NLGN4X: variants seen among roughly 807,000 people sequenced by gnomAD.
NLGN4X encodes neuroligin-4, X-linked.
Under a neutral mutation model 40.3 loss-of-function variants are expected in NLGN4X, and 3 were observed. The ratio of observed to expected loss-of-function variants is 0.07; its 90% CI spans 0.03 to 0.19. NLGN4X has a LOEUF of 0.19. NLGN4X is among the 10% of genes least tolerant of loss of function. The pLI is 1.00. For missense variants in NLGN4X, 382 were observed against 708.3 expected (o/e 0.54, Z 5.23); for synonymous variants, 270 against 306.8 (o/e 0.88, Z 1.25).
At chrX:6,098,048 G>A (rs1396720067) in intron 2 of NLGN4X, among the ~76,000 whole-genome samples, 1 of 112,938 alleles carries the variant, frequency 8.9e-6, no homozygotes, top group Non-Finnish European at 1.9e-5. Context: ...CCAGCACTTT[G>A]GTAGGCCCAG....
rs1166736669 is a variant in NLGN4X, at chrX:6,138,757, G to A, written c.472+12238C>T. Among the ~76,000 whole-genome samples the A allele has an allele frequency of 2.7e-5, 3 of 109,456 alleles. No individual in the cohort carries two copies. The East Asian group carries it at 8.5e-4, about 31-fold the overall frequency. On this transcript the variant is annotated intron_variant, in intron 2 of 5. Transcript: ENST00000381095. ...AAATACTGTATGGTGAAAGAGTTTT[G>A]GTGAAATGACCTCAAAAGCTCCTTC...
chrX:6,120,911 G>T lies in NLGN4X; in HGVS notation c.472+30084C>A, dbSNP rs149959071. 2.1e-3 allele frequency among the ~76,000 whole-genome samples: 238 copies of T among 111,841 alleles called. 2 individuals carry two copies. The East Asian group carries it at 0.024, about 11-fold the overall frequency. On this transcript the variant is annotated intron_variant, in intron 2 of 5. Coordinates refer to ENST00000381095, the MANE Select transcript of NLGN4X (RefSeq NM_181332.3). ...ACACAGCCTCAAGAAACTTTAGAGA[G>T]TAGAACTGACCCTGCAGGCATCTTC...
chrX:6,205,378 A>G (rs1490249242), intron 1 of NLGN4X, among the ~76,000 whole-genome samples: 1 of 112,448 alleles, frequency 8.9e-6, no homozygotes, highest in Non-Finnish European at 1.9e-5. Flanking sequence ...GTCAACGGGC[A>G]CTCAGTGATC....
chrX:6,200,397 A>T (rs1250361105), intron 1 of NLGN4X, among the ~76,000 whole-genome samples: 2 of 111,651 alleles, frequency 1.8e-5, no homozygotes, highest in Non-Finnish European at 3.8e-5. Flanking sequence ...ATCCACTCAG[A>T]TCACAAAACC....
At chrX:6,164,922 G>A (rs1398964480) in intron 1 of NLGN4X, among the ~76,000 whole-genome samples, 3 of 111,443 alleles carry the variant, frequency 2.7e-5, no homozygotes, top group African/African-American at 9.8e-5. Flanking sequence ...GAATGACAAG[G>A]TGAGGGCCTT....
chrX:6,001,683 ATTT>A lies in NLGN4X; in HGVS notation c.625+27594_625+27596del, dbSNP rs5901308. ...AGAGCCTGGGAGCTTATTCAGAGTC[ATTT>A]TTTTTTTTTTTTAAATATGGAAACC... On this transcript the variant is annotated intron_variant, in intron 3 of 5. Transcript: ENST00000381095. 5.2e-3 allele frequency among the ~76,000 whole-genome samples: 525 copies of A among 101,842 alleles called. 3 individuals carry two copies. Among genetic ancestry groups the A allele is most frequent in the African/African-American group, 0.015 (435 of 28,227 alleles). 88.4% of individuals were successfully genotyped at this position (101,842 alleles called of 115,157 possible).
At chrX:6,070,842 A>T (rs1159404804) in intron 2 of NLGN4X, among the ~76,000 whole-genome samples, 1 of 111,519 alleles carries the variant, frequency 9.0e-6, no homozygotes, top group Non-Finnish European at 1.9e-5. Context: ...AACCTGCCAG[A>T]CACTTTTAAA....
chrX:6,222,856 A>C (rs1925832632), intron 1 of NLGN4X, among the ~76,000 whole-genome samples: 2 of 111,717 alleles, frequency 1.8e-5, no homozygotes, highest in Admixed American at 1.9e-4. Context: ...TTCCCCCTTC[A>C]CTCGGTTCTC....
intron 3 of NLGN4X, among the ~76,000 whole-genome samples, chrX:5,914,557 C>T (rs12013243): frequency 0.014 from 1,533 of 109,109 alleles, 20 homozygotes; most frequent in African/African-American, 0.048. Context: ...ATATCTTTCA[C>T]CATTTCAGTG....
intron 1 of NLGN4X, among the ~76,000 whole-genome samples, chrX:6,178,249 T>C (rs185331407): frequency 2.7e-5 from 3 of 112,016 alleles, no homozygotes; most frequent in Non-Finnish European, 3.8e-5. Flanking sequence ...ATGGGTAGCA[T>C]CATAACAAAG....
chrX:5,987,984 G>A (rs1027102893), intron 3 of NLGN4X, among the ~76,000 whole-genome samples: 9 of 111,866 alleles, frequency 8.0e-5, no homozygotes, highest in African/African-American at 2.9e-4. Flanking sequence ...GGCTGAGGCA[G>A]GAGGATCACT....
chrX:5,969,628 G>T (rs2034954641), intron 3 of NLGN4X, among the ~76,000 whole-genome samples: 1 of 111,064 alleles, frequency 9.0e-6, no homozygotes, highest in Non-Finnish European at 1.9e-5. Context: ...ATTTCTCAGG[G>T]ATCTAGAACT....
At chrX:6,129,971 G>GC (rs1286042443) in intron 2 of NLGN4X, among the ~76,000 whole-genome samples, 3 of 108,043 alleles carry the variant, frequency 2.8e-5, no homozygotes, top group Non-Finnish European at 5.7e-5. Context: ...CTGAAGCCTG[G>GC]CCCTCCTGGG....
intron 2 of NLGN4X, among the ~76,000 whole-genome samples, chrX:6,128,334 T>C (rs2039604845): frequency 9.0e-6 from 1 of 111,498 alleles, no homozygotes; most frequent in African/African-American, 3.3e-5. Flanking sequence ...AAAACTGAGA[T>C]GCAATAGAGT....
At chrX:5,909,593 G>A (rs1474700344) in intron 3 of NLGN4X, among the ~76,000 whole-genome samples, 2 of 101,996 alleles carry the variant, frequency 2.0e-5, no homozygotes, top group Non-Finnish European at 3.9e-5. Flanking sequence ...TTTCTTTTTT[G>A]AAAAATGCAA....
intron 2 of NLGN4X, among the ~76,000 whole-genome samples, chrX:6,057,611 G>GTA (rs1392631960): frequency 1.8e-5 from 2 of 112,171 alleles, no homozygotes; most frequent in African/African-American, 6.5e-5. Flanking sequence ...AAATGCACAT[G>GTA]TATATATGTA....
intron 2 of NLGN4X, among the ~76,000 whole-genome samples, chrX:6,142,217 AAAGAT>A (rs2039962577): frequency 8.9e-6 from 1 of 112,463 alleles, no homozygotes; most frequent in African/African-American, 3.2e-5. Flanking sequence ...TTTGTTAGGA[AAAGAT>A]ATTTCTTAAT....
At chrX:5,929,565 T>C (rs1601904459) in intron 3 of NLGN4X, among the ~76,000 whole-genome samples, 1 of 112,419 alleles carries the variant, frequency 8.9e-6, no homozygotes. Flanking sequence ...TGTGTATATA[T>C]ATGCATGCAC....
At chrX:6,186,123 A>C (rs2369380) in intron 1 of NLGN4X, among the ~76,000 whole-genome samples, 8,362 of 112,326 alleles carry the variant, frequency 0.074, 245 homozygotes, top group South Asian at 0.16. Context: ...ATTAACTCAT[A>C]GGCCCAAGAT....
Sources: gnomAD v4.1 joint callset for allele counts (sites outside exome capture counted in the v4.1 genomes callset) on GRCh38, gnomAD v4.1.1 for gene constraint, MANE v1.5 for transcripts, NCBI Gene and HGNC (gene_info 2026-07-23, HGNC 2026-07-21) for gene names.